EPHX4: variants seen among roughly 807,000 people sequenced by gnomAD.
The protein encoded by EPHX4 is epoxide hydrolase 4.
EPHX4 carries 31 observed loss-of-function variants against 44.9 expected under a neutral mutation model. The ratio of observed to expected loss-of-function variants is 0.69; its 90% CI spans 0.52 to 0.93. EPHX4 has a LOEUF of 0.93. Among genes scored for constraint, EPHX4 ranks in the 40% least tolerant of loss-of-function variants. EPHX4 has a pLI of 0.00. For missense variants in EPHX4, 373 were observed against 438.1 expected, an observed-to-expected ratio of 0.85 and a Z score of 1.33; for synonymous variants, 151 against 159.7, an observed-to-expected ratio of 0.95 and a Z score of 0.41.
In EPHX4 at chr1:92,030,155, T is replaced by C. The variant is rs1193324637; in HGVS notation, c.76T>C (p.Cys26Arg). 1 of 1,612,860 alleles carries C rather than the reference T, an allele frequency of 6.2e-7. No homozygotes were observed. The highest frequency in any genetic ancestry group is 1.1e-5 in the South Asian group (1 of 90,886). The change falls in exon 1 of 7, where the codon TGC (cysteine) becomes CGC (arginine). Residue 26 changes from cysteine to arginine, a missense_variant. By Grantham distance (180) the Cys-to-Arg change is radical. Transcript: ENST00000370383. ...RSLLFWSLVY[C>R]YCGLCASIHL... Reference sequence around the variant, plus strand: ...CCTGCTCTTCTGGTCCCTGGTCTACTGCTACTGCGGGCTCTGCGCCTCCAT... The same window carrying C: ...CCTGCTCTTCTGGTCCCTGGTCTACCGCTACTGCGGGCTCTGCGCCTCCAT...
At chr1:92,032,457 T>C (rs1351876308) in intron 1 of EPHX4, 48 bp from the exon 2 acceptor site, 2 of 1,381,626 alleles carry the variant, frequency 1.4e-6, no homozygotes, top group Admixed American at 3.5e-5. Flanking sequence ...TATATTGCTT[T>C]GTCAATCAAC....
Position 92,030,197 on chromosome 1 carries a change from T to C in EPHX4, c.118T>C (p.Leu40=). ...CGCCTCCATCCACCTGCTCAAACTT[T>C]TGTGGAGCCTCGGCAAGGGGCCGGC... ...LCASIHLLKL[L]WSLGKGPAQT... The change falls in exon 1 of 7, where the codon TTG becomes CTG. Residue 40 remains leucine (L), a synonymous_variant. Transcript: ENST00000370383. The C allele has an allele frequency of 6.2e-7, 1 of 1,610,196 alleles. No individual in the cohort carries two copies. The highest frequency in any genetic ancestry group is 8.5e-7 in the Non-Finnish European group (1 of 1,178,324).
intron 1 of EPHX4, among the ~76,000 whole-genome samples, 175 bp downstream of exon 1, chr1:92,030,485 T>TGTGTGTGTGTGTGTGTGTGA (rs1326928763): frequency 4.5e-4 from 63 of 138,710 alleles, no homozygotes; most frequent in Non-Finnish European, 6.7e-4. Flanking sequence ...TGTGTGTGTG[T>TGTGTGTGTGTGTGTGTGTGA]GAGAGAGAGA....
intron 2 of EPHX4, among the ~76,000 whole-genome samples, chr1:92,038,294 C>A (rs17131594): frequency 6.6e-6 from 1 of 151,916 alleles, no homozygotes; most frequent in African/African-American, 2.4e-5. Flanking sequence ...AGACACGGAC[C>A]CTTAAGGTAT....
At chr1:92,034,299 C>CAAAA (rs765695521) in intron 2 of EPHX4, among the ~76,000 whole-genome samples, 13 of 52,718 alleles carry the variant, frequency 2.5e-4, no homozygotes, top group African/African-American at 5.1e-4. Context: ...GATTCCGTCT[C>CAAAA]AAAAAAAAAA....
chr1:92,046,822 A>G (rs1073001), intron 4 of EPHX4, among the ~76,000 whole-genome samples: 78,032 of 152,018 alleles, frequency 0.51, 20,678 homozygotes, highest in African/African-American at 0.66. Flanking sequence ...TTTTAATACT[A>G]TACTCTATTA....
intron 3 of EPHX4, among the ~76,000 whole-genome samples, chr1:92,044,894 G>A (rs143047406): frequency 0.014 from 2,199 of 152,066 alleles, 22 homozygotes; most frequent in Non-Finnish European, 0.024. Flanking sequence ...CAGGTCCATG[G>A]GACCAGAGCT....
In EPHX4 at chr1:92,063,412, T is replaced by C; in HGVS notation, c.*126T>C. ...TAATGTGCTTTATCATAAATAAATA[T>C]CCTGACAAATGGTATTGAAAAAAAT... is the stretch of plus-strand genomic sequence containing the variant. On this transcript the variant is annotated 3_prime_UTR_variant, in exon 7 of 7. Transcript: ENST00000370383. The C allele has an allele frequency of 1.5e-6, 1 of 652,070 alleles. No homozygotes were observed. The highest frequency in any genetic ancestry group is 3.2e-5 in the Admixed American group (1 of 30,832). 40.4% of individuals were successfully genotyped at this position (652,070 alleles called of 1,614,324 possible).
chr1:92,052,593 T>C lies in EPHX4; in HGVS notation c.792T>C (p.Tyr264=). 1.2e-6 allele frequency: 2 copies of C among 1,613,306 alleles called. No individual in the cohort carries two copies. Among genetic ancestry groups the C allele is most frequent in the Non-Finnish European group, 1.7e-6 (2 of 1,179,660 alleles). The change falls in exon 6 of 7, where the codon TAT becomes TAC. Residue 264 remains tyrosine, a synonymous_variant. Transcript: ENST00000370383. ...TAACAACAGAGGATCTTGAAGCTTA[T>C]ATTTATGTCTTTTCTCAGCCTGGAG... ...CQLTTEDLEA[Y]IYVFSQPGAL...
At chr1:92,047,757 T>C (rs887258018) in intron 4 of EPHX4, among the ~76,000 whole-genome samples, 3 of 152,178 alleles carry the variant, frequency 2.0e-5, no homozygotes, top group African/African-American at 7.2e-5. Flanking sequence ...TCATTGCTTT[T>C]GTAGTACTTG....
chr1:92,030,663 C>G (rs1046009094), intron 1 of EPHX4, among the ~76,000 whole-genome samples: 70 of 152,210 alleles, frequency 4.6e-4, no homozygotes, highest in African/African-American at 1.6e-3. Flanking sequence ...GAAGCTGTCT[C>G]CTGTCACCCT....
Position 92,045,638 on chromosome 1 carries a change from C to T in EPHX4, c.582C>T (p.Phe194=), listed in dbSNP as rs868866714. ...EMVMKLIVIN[F]PHPNVFTEYI... ...TGATGAAGCTTATTGTTATTAACTTCCCTCATCCAAATGTATTTACAGGTG... is the reference window on the plus strand; with the variant it reads ...TGATGAAGCTTATTGTTATTAACTTTCCTCATCCAAATGTATTTACAGGTG... The change falls in exon 4 of 7, where the codon TTC becomes TTT. Residue 194 remains phenylalanine (F), a synonymous_variant. Transcript: ENST00000370383. 4.3e-6 allele frequency: 7 copies of T among 1,613,924 alleles called. No homozygotes were observed. The highest frequency in any genetic ancestry group is 5.9e-6 in the Non-Finnish European group (7 of 1,179,922).
At chr1:92,038,599 C>G (rs1315877290) in intron 2 of EPHX4, among the ~76,000 whole-genome samples, 1 of 152,064 alleles carries the variant, frequency 6.6e-6, no homozygotes, top group Non-Finnish European at 1.5e-5. Context: ...AGTGCACATA[C>G]AAGTGCAAAA....
At chr1:92,044,028 G>A (rs1025461981) in intron 3 of EPHX4, among the ~76,000 whole-genome samples, 8 of 152,102 alleles carry the variant, frequency 5.3e-5, no homozygotes, top group Non-Finnish European at 1.0e-4. Context: ...CAGGGAGAAG[G>A]GGAAAGTAAA....
Position 92,063,255 on chromosome 1 carries a change from T to G in EPHX4, c.1058T>G (p.Phe353Cys). The change falls in exon 7 of 7, where the codon TTT (phenylalanine) becomes TGT (cysteine). Residue 353 changes from phenylalanine (F) to cysteine (C), a missense_variant. Transcript: ENST00000370383. ...ATAGTGAACAAATTGATATGGACAT[T>G]TCTAAAAGAAGAAACAAGAAAAAAA... ...PDIVNKLIWT[F>C]LKEETRKKD is the part of the protein sequence containing the mutation. 6.3e-7 allele frequency: 1 copy of G among 1,595,754 alleles called. No individual in the cohort carries two copies. Among genetic ancestry groups the G allele is most frequent in the South Asian group, 1.1e-5 (1 of 89,370 alleles).
intron 3 of EPHX4, among the ~76,000 whole-genome samples, chr1:92,045,171 G>C (rs535039059): frequency 9.9e-5 from 15 of 152,050 alleles, no homozygotes; most frequent in East Asian, 9.7e-4. Context: ...GTGTGTGTTG[G>C]GGGGAGGTCT....
chr1:92,030,491 A>AT (rs1248319991), intron 1 of EPHX4, among the ~76,000 whole-genome samples, 181 bp downstream of exon 1: 4,855 of 94,136 alleles, frequency 0.052, 156 homozygotes, highest in African/African-American at 0.11. Context: ...TGTGTGAGAG[A>AT]GAGAGAGAGA....
intron 2 of EPHX4, among the ~76,000 whole-genome samples, chr1:92,036,305 G>A (rs571678008): frequency 5.3e-4 from 81 of 152,206 alleles, no homozygotes; most frequent in Non-Finnish European, 7.9e-4. Flanking sequence ...GCTCTCTGTC[G>A]TATTCTAAGA....
At position 92,042,981 on chromosome 1, in the gene EPHX4, G is replaced by T; in HGVS notation, c.475+1G>T. 6.3e-7 allele frequency: 1 copy of T among 1,592,336 alleles called. No homozygotes were observed. Among genetic ancestry groups the T allele is most frequent in the Non-Finnish European group, 8.6e-7 (1 of 1,167,768 alleles). On this transcript the variant is annotated splice_donor_variant, in intron 3 of 6. Coordinates refer to ENST00000370383, the MANE Select transcript of EPHX4 (RefSeq NM_173567.5). LOFTEE classifies it high-confidence loss of function. Reference sequence around the variant, plus strand: ...ATAAAGGATATTTTAGATTCTTTAGGTAGGTTAGTTTGAAACAAAACAACT... The same window carrying T: ...ATAAAGGATATTTTAGATTCTTTAGTTAGGTTAGTTTGAAACAAAACAACT...
Sources: allele counts gnomAD v4.1 joint callset (sites outside exome capture counted in the v4.1 genomes callset), GRCh38; gene constraint gnomAD v4.1.1; transcripts MANE v1.5; gene names NCBI Gene and HGNC (gene_info 2026-07-23, HGNC 2026-07-21).